WIF1: variants seen among roughly 807,000 people sequenced by gnomAD.
WIF1 encodes the protein Wnt inhibitory factor 1.
A neutral mutation model predicts 53.5 loss-of-function variants in WIF1; 35 were observed. The observed-to-expected ratio is 0.65, with a 90% CI of 0.50 to 0.87. The LOEUF is 0.87. Ranked by LOEUF, WIF1 falls within the 40% of genes least tolerant of loss-of-function variation. The probability of loss-of-function intolerance (pLI) is 0.00; values close to 1 mark genes in which losing one functional copy is unlikely to be tolerated. For missense variants in WIF1, 467 were observed against 476.8 expected (o/e 0.98, Z 0.19); for synonymous variants, 171 against 170.4 (o/e 1.00, Z -0.03).
chr12:65,071,544 T>C (rs1387322543), intron 3 of WIF1, among the ~76,000 whole-genome samples: 1 of 152,220 alleles, frequency 6.6e-6, no homozygotes, highest in African/African-American at 2.4e-5. Context: ...CTGTTATAAC[T>C]GATATGAAAT....
At chr12:65,057,345 CT>C (rs758491764) in intron 7 of WIF1, among the ~76,000 whole-genome samples, 37 of 152,152 alleles carry the variant, frequency 2.4e-4, no homozygotes, top group Non-Finnish European at 3.5e-4. Context: ...ATTACGAATG[CT>C]TTTCACAGAT....
Position 65,051,419 on chromosome 12 carries a change from C to T in WIF1, c.1070G>A (p.Arg357Lys), listed in dbSNP as rs1230889548. 1 of 1,613,676 alleles carries T rather than the reference C, an allele frequency of 6.2e-7. No individual in the cohort carries two copies. Residue 357 changes from arginine (R) to lysine (K), a missense_variant, in exon 10 of 10, where the codon AGG becomes AAG. Arg to Lys is a conservative substitution (Grantham distance 26). Transcript: ENST00000286574. ...CTTTTTAAGTGAAGGCGTGTGCTGC[C>T]TGAGCTGGGCGCCTGCTGGCCTCAG... ...HALRPAGAQL[R>K]QHTPSLKKAE... is the part of the protein sequence containing the mutation.
At chr12:65,099,767 T>C (rs1036050011) in intron 2 of WIF1, among the ~76,000 whole-genome samples, 1 of 152,180 alleles carries the variant, frequency 6.6e-6, no homozygotes, top group Non-Finnish European at 1.5e-5. Context: ...TAAGAATGTA[T>C]TTGTTAGCTC....
At chr12:65,054,338 T>G (rs1186395772) in intron 9 of WIF1, among the ~76,000 whole-genome samples, 1 of 152,226 alleles carries the variant, frequency 6.6e-6, no homozygotes, top group Non-Finnish European at 1.5e-5. Flanking sequence ...TGTGTTGTTT[T>G]GTTAATTTGC....
At chr12:65,096,384 T>A (rs551071185) in intron 2 of WIF1, among the ~76,000 whole-genome samples, 25 of 152,286 alleles carry the variant, frequency 1.6e-4, no homozygotes, top group Middle Eastern at 3.4e-3. Context: ...GGCGAGGATG[T>A]GGAGAAATAG....
At chr12:65,089,721 A>C (rs1883095165) in intron 2 of WIF1, among the ~76,000 whole-genome samples, 1 of 152,148 alleles carries the variant, frequency 6.6e-6, no homozygotes. Context: ...CACCAAGCAG[A>C]CTTTGACTTA....
intron 3 of WIF1, among the ~76,000 whole-genome samples, chr12:65,071,093 G>T (rs1369256158): frequency 6.6e-6 from 1 of 151,728 alleles, no homozygotes; most frequent in East Asian, 1.9e-4. Context: ...AAATTAGCCG[G>T]TGTGTTGGCA....
intron 9 of WIF1, among the ~76,000 whole-genome samples, chr12:65,054,391 G>C (rs1882492875): frequency 6.6e-6 from 1 of 152,140 alleles, no homozygotes; most frequent in Non-Finnish European, 1.5e-5. Flanking sequence ...GGCCTTTTCT[G>C]TCTGTGCACT....
intron 4 of WIF1, among the ~76,000 whole-genome samples, 198 bp from the exon 5 acceptor site, chr12:65,067,988 T>A (rs1276861142): frequency 1.3e-5 from 2 of 152,152 alleles, no homozygotes; most frequent in African/African-American, 2.4e-5. Flanking sequence ...AGATTTTGCC[T>A]CCCTTATTTC....
chr12:65,113,779 A>G (rs1883467614), intron 2 of WIF1, among the ~76,000 whole-genome samples: 1 of 152,222 alleles, frequency 6.6e-6, no homozygotes, highest in Non-Finnish European at 1.5e-5. Context: ...GCATAGCAGA[A>G]TCTAAACGTT....
chr12:65,092,508 GTATA>G (rs144164448), intron 2 of WIF1, among the ~76,000 whole-genome samples: 2 of 146,700 alleles, frequency 1.4e-5, no homozygotes, highest in Non-Finnish European at 3.0e-5. Context: ...ATATATGTGT[GTATA>G]TATATATATA....
chr12:65,112,558 A>G, intron 2 of WIF1, among the ~76,000 whole-genome samples: 1 of 152,018 alleles, frequency 6.6e-6, no homozygotes, highest in East Asian at 1.9e-4. Context: ...CACATACTCA[A>G]CGATTTACTC....
chr12:65,116,593 G>A (rs1883514225), intron 2 of WIF1, among the ~76,000 whole-genome samples: 1 of 151,876 alleles, frequency 6.6e-6, no homozygotes, highest in Non-Finnish European at 1.5e-5. Flanking sequence ...CACTATCCAT[G>A]TAATGCACTT....
intron 9 of WIF1, 105 bp downstream of exon 9, chr12:65,055,013 G>T: frequency 8.4e-7 from 1 of 1,186,428 alleles, no homozygotes. Context: ...GTTAGCCTTT[G>T]AAGCCAAGAA....
intron 8 of WIF1, 131 bp from the exon 9 acceptor site, chr12:65,055,344 C>T (rs922114915): frequency 1.3e-5 from 12 of 913,714 alleles, no homozygotes; most frequent in Non-Finnish European, 1.8e-5. Context: ...TTTCCTAAGT[C>T]AGTCTCCAGT....
At chr12:65,053,589 G>A (rs1592385353) in intron 9 of WIF1, among the ~76,000 whole-genome samples, 1 of 152,062 alleles carries the variant, frequency 6.6e-6, no homozygotes, top group Non-Finnish European at 1.5e-5. Flanking sequence ...GTTTCCTGAG[G>A]CCTCCCTAGC....
intron 2 of WIF1, among the ~76,000 whole-genome samples, chr12:65,103,396 T>C (rs899881478): frequency 6.6e-6 from 1 of 152,230 alleles, no homozygotes; most frequent in African/African-American, 2.4e-5. Context: ...TTACTTGAAT[T>C]CAGGAGAGCT....
intron 3 of WIF1, among the ~76,000 whole-genome samples, chr12:65,075,287 C>T (rs1592392567): frequency 6.6e-6 from 1 of 152,202 alleles, no homozygotes; most frequent in Non-Finnish European, 1.5e-5. Flanking sequence ...TGGTAGATAA[C>T]CGTAATCTGA....
At chr12:65,108,622 C>T (rs562293134) in intron 2 of WIF1, among the ~76,000 whole-genome samples, 3 of 152,292 alleles carry the variant, frequency 2.0e-5, no homozygotes, top group Admixed American at 2.0e-4. Context: ...CTGTCGATTA[C>T]ACCTCCCCTC....
Sources: gnomAD v4.1 joint callset for allele counts (sites outside exome capture counted in the v4.1 genomes callset) on GRCh38, gnomAD v4.1.1 for gene constraint, MANE v1.5 for transcripts, NCBI Gene and HGNC (gene_info 2026-07-23, HGNC 2026-07-21) for gene names.